The following MCPH1 variants were observed in gnomAD, a reference collection of about 807,000 sequenced individuals.
MCPH1 encodes microcephalin 1, also known as microcephalin.
In MCPH1, 104 loss-of-function variants were observed where a neutral mutation model predicts 84.5. That is an observed-to-expected ratio of 1.23 (90% confidence interval 1.05 to 1.45). The LOEUF is 1.45. MCPH1 is among the 40% of genes most tolerant of loss of function. The pLI is 0.00. For missense variants in MCPH1, 1,498 were observed against 1,005.7 expected (o/e 1.49, Z -6.62); for synonymous variants, 514 against 366.8 (o/e 1.40, Z -4.58).
In MCPH1 at chr8:6,466,129, A is replaced by ATTTTTTTTTTTTTTT. The variant is rs751729134; in HGVS notation, c.1935+10886_1935+10900dup. Among the ~76,000 whole-genome samples, 3 of 19,786 alleles carry ATTTTTTTTTTTTTTT rather than the reference A, an allele frequency of 1.5e-4. 1 individual carries two copies. The East Asian group carries it at 0.01, about 68-fold the overall frequency. The allele number at this position is 19,786 out of a possible 152,430, so 13.0% of individuals were successfully genotyped here. ...GCCACTACACCTGGCTAATTTTTGG[A>ATTTTTTTTTTTTTTT]TTTTTTTTTTTTTTTTTTTTTTTCC... On this transcript the variant is annotated intron_variant, in intron 9 of 13. Coordinates refer to ENST00000344683, the MANE Select transcript of MCPH1 (RefSeq NM_024596.5).
chr8:6,597,789 T>C (rs1010035238), intron 12 of MCPH1, among the ~76,000 whole-genome samples: 8 of 152,226 alleles, frequency 5.3e-5, no homozygotes, highest in African/African-American at 1.9e-4. Context: ...TTTCTGAATA[T>C]GGTCTACTGT....
chr8:6,415,558 T>C (rs556559375), intron 3 of MCPH1, among the ~76,000 whole-genome samples: 1 of 152,176 alleles, frequency 6.6e-6, no homozygotes, highest in African/African-American at 2.4e-5. Context: ...TTTATCATGT[T>C]GGCCAGGCTG....
chr8:6,639,088 A>T (rs1797755620), intron 13 of MCPH1, among the ~76,000 whole-genome samples: 3 of 152,194 alleles, frequency 2.0e-5, no homozygotes, highest in Admixed American at 2.0e-4. Flanking sequence ...TCTCTGTTTA[A>T]AGATCGATAC....
intron 11 of MCPH1, among the ~76,000 whole-genome samples, chr8:6,498,337 TG>T (rs1811519323): frequency 6.6e-6 from 1 of 152,236 alleles, no homozygotes; most frequent in African/African-American, 2.4e-5. Context: ...GGTAAAGATG[TG>T]TTCGGCCAAT....
At position 6,480,821 on chromosome 8, in the gene MCPH1, C is replaced by A. The variant is rs373258037; in HGVS notation, c.2081C>A (p.Thr694Asn). ...THVLSGKPLRTLNVLLGIARG... is the reference protein window; with the variant it reads ...THVLSGKPLRNLNVLLGIARG... The stretch of plus-strand genomic sequence containing the variant: ...GTGCTTTCCGGGAAGCCACTTCGCA[C>A]CCTGAATGTGCTGCTGGGAATTGCG... Residue 694 changes from threonine to asparagine, a missense_variant, in exon 11 of 14, where the codon ACC (threonine) becomes AAC (asparagine). Transcript: ENST00000344683. The A allele has an allele frequency of 5.0e-6, 8 of 1,614,082 alleles. No individual in the cohort carries two copies. The highest frequency in any genetic ancestry group is 5.9e-6 in the Non-Finnish European group (7 of 1,180,044).
At chr8:6,419,743 C>G (rs542580873) in intron 3 of MCPH1, among the ~76,000 whole-genome samples, 1 of 152,152 alleles carries the variant, frequency 6.6e-6, no homozygotes, top group Non-Finnish European at 1.5e-5. Context: ...AAGTGATCCA[C>G]TCACTCCAGC....
At chr8:6,604,094 CCTCT>C (rs777916110) in intron 12 of MCPH1, among the ~76,000 whole-genome samples, 142,730 of 151,778 alleles carry the variant, frequency 0.94, 67,772 homozygotes, top group Non-Finnish European at 1. Flanking sequence ...CTGCTGGTGG[CCTCT>C]GGATGGGGAC....
chr8:6,424,238 C>T (rs1460913917), intron 3 of MCPH1, among the ~76,000 whole-genome samples: 2 of 152,178 alleles, frequency 1.3e-5, no homozygotes, highest in Non-Finnish European at 2.9e-5. Context: ...GTCAGCTTGG[C>T]CCCCACTCTA....
intron 12 of MCPH1, among the ~76,000 whole-genome samples, chr8:6,505,241 T>TAC (rs1813118521): frequency 8.8e-6 from 1 of 113,428 alleles, no homozygotes; most frequent in African/African-American, 3.9e-5. Context: ...ATATATAGAA[T>TAC]ATATATTCTT....
intron 12 of MCPH1, among the ~76,000 whole-genome samples, chr8:6,565,376 A>C (rs936708846): frequency 6.6e-6 from 1 of 152,224 alleles, no homozygotes; most frequent in Non-Finnish European, 1.5e-5. Flanking sequence ...TTCCTGTTTG[A>C]AAAAGCATAT....
At chr8:6,505,991 CAT>C (rs1423343325) in intron 12 of MCPH1, among the ~76,000 whole-genome samples, 2 of 108,794 alleles carry the variant, frequency 1.8e-5, no homozygotes, top group African/African-American at 9.0e-5. Context: ...TATATAAAAA[CAT>C]ATACATATTC....
chr8:6,546,028 G>A (rs1228314781), intron 12 of MCPH1, among the ~76,000 whole-genome samples: 1 of 152,200 alleles, frequency 6.6e-6, no homozygotes, highest in East Asian at 1.9e-4. Context: ...ACAGATTTGA[G>A]AATCAAACAC....
intron 12 of MCPH1, among the ~76,000 whole-genome samples, chr8:6,557,346 A>G (rs541228861): frequency 6.6e-6 from 1 of 152,248 alleles, no homozygotes; most frequent in South Asian, 2.1e-4. Context: ...TGTACTAGAG[A>G]TATTCTCGGG....
chr8:6,527,638 C>G (rs998218905), intron 12 of MCPH1: 1 of 1,613,874 alleles, frequency 6.2e-7, no homozygotes, highest in East Asian at 2.2e-5. Flanking sequence ...GGGAGTGTTC[C>G]AAGAGCTGAA....
intron 12 of MCPH1, among the ~76,000 whole-genome samples, chr8:6,579,234 T>C (rs1019870359): frequency 6.6e-6 from 1 of 152,166 alleles, no homozygotes; most frequent in African/African-American, 2.4e-5. Context: ...ATTTGGAGAG[T>C]GAAGTGACAT....
At chr8:6,471,091 G>T (rs1337982750) in intron 9 of MCPH1, among the ~76,000 whole-genome samples, 4 of 151,988 alleles carry the variant, frequency 2.6e-5, no homozygotes, top group Non-Finnish European at 5.9e-5. Flanking sequence ...TTTTTGGGGG[G>T]TGACCAACAT....
At chr8:6,611,361 CAG>C (rs1830250555) in intron 12 of MCPH1, among the ~76,000 whole-genome samples, 1 of 152,208 alleles carries the variant, frequency 6.6e-6, no homozygotes, top group Non-Finnish European at 1.5e-5. Context: ...AGCGGTAAAT[CAG>C]GGGTTGCCAC....
intron 9 of MCPH1, among the ~76,000 whole-genome samples, chr8:6,464,961 G>A (rs1037974113): frequency 2.0e-5 from 3 of 151,308 alleles, no homozygotes; most frequent in South Asian, 2.1e-4. Context: ...ATCATGCCAC[G>A]GCATTCTGGC....
At chr8:6,408,609 C>T (rs570120449) in intron 1 of MCPH1, among the ~76,000 whole-genome samples, 1 of 152,060 alleles carries the variant, frequency 6.6e-6, no homozygotes, top group Non-Finnish European at 1.5e-5. Context: ...GCGATCATAA[C>T]TCAGCTTCTA....
Sources: gnomAD v4.1 joint callset for allele counts (sites outside exome capture counted in the v4.1 genomes callset) on GRCh38, gnomAD v4.1.1 for gene constraint, MANE v1.5 for transcripts, NCBI Gene and HGNC (gene_info 2026-07-23, HGNC 2026-07-21) for gene names.